The following IL12RB1 variants were observed in gnomAD, a reference collection of about 807,000 sequenced individuals.
IL12RB1 encodes interleukin 12 receptor subunit beta 1, also known as interleukin-12 receptor subunit beta-1.
IL12RB1 carries 64 observed loss-of-function variants against 94.4 expected under a neutral mutation model. The observed-to-expected ratio is 0.68, with a 90% CI of 0.55 to 0.83. The LOEUF is 0.83. Among genes scored for constraint, IL12RB1 ranks in the 40% least tolerant of loss-of-function variants. IL12RB1 has a pLI of 0.00. For missense variants in IL12RB1, 814 were observed against 855.6 expected (o/e 0.95, Z 0.61); for synonymous variants, 362 against 355.5 (o/e 1.02, Z -0.21).
chr19:18,080,780 C>G (rs1205599149), intron 4 of IL12RB1, 52 bp downstream of exon 4: 1 of 1,226,768 alleles, frequency 8.2e-7, no homozygotes, highest in Non-Finnish European at 1.2e-6. Context: ...AGCCTTGCAG[C>G]CTGATGGCCT....
At chr19:18,066,886 G>T (rs981411020) in intron 11 of IL12RB1, among the ~76,000 whole-genome samples, 189 bp from the exon 12 acceptor site, 2 of 152,100 alleles carry the variant, frequency 1.3e-5, no homozygotes, top group African/African-American at 2.4e-5. Flanking sequence ...AATTAGCCAG[G>T]CATGGTGGCG....
Position 18,064,015 on chromosome 19 carries a change from A to T in IL12RB1, c.1484-5T>A. On this transcript the variant is annotated splice_region_variant and splice_polypyrimidine_tract_variant and intron_variant, in intron 12 of 16. Transcript: ENST00000593993. ...CTGTGGGCTGCACGGGATGCTCTGC[A>T]GTGGGAGAGGCAACCCTGAGTCCTG... 1 of 1,610,278 alleles carries T rather than the reference A, an allele frequency of 6.2e-7. No homozygotes were observed. The highest frequency in any genetic ancestry group is 8.5e-7 in the Non-Finnish European group (1 of 1,177,168).
intron 7 of IL12RB1, 84 bp downstream of exon 7, chr19:18,075,665 G>A: frequency 8.1e-7 from 1 of 1,238,774 alleles, no homozygotes; most frequent in Non-Finnish European, 1.2e-6. Context: ...CTGAGCAGCT[G>A]GAACTACAGG....
chr19:18,083,098 A>C, intron 2 of IL12RB1: 1 of 456,098 alleles, frequency 2.2e-6, no homozygotes, highest in Non-Finnish European at 4.0e-6. Flanking sequence ...TAAATAAATG[A>C]AATAAATGTT....
intron 7 of IL12RB1, among the ~76,000 whole-genome samples, 186 bp downstream of exon 7, chr19:18,075,563 A>ATT (rs980303899): frequency 5.3e-5 from 8 of 151,742 alleles, no homozygotes; most frequent in Non-Finnish European, 1.2e-4. Flanking sequence ...GCCCAGCCCC[A>ATT]TTTTATTTTA....
chr19:18,064,657 A>C (rs895362760), intron 12 of IL12RB1, among the ~76,000 whole-genome samples: 8 of 151,714 alleles, frequency 5.3e-5, no homozygotes, highest in African/African-American at 1.9e-4. Flanking sequence ...TATTTTTAAT[A>C]CACATGAGGT....
rs1376079111 is a variant in IL12RB1 at position 18,062,167 on chromosome 19, G to C, written c.1715+14C>G. ...ATTACCATCGCTATGGTAACGGTAAGAGGTGTCAGTTACCTGTTCAGGCCA... is the reference window on the plus strand; with the variant it reads ...ATTACCATCGCTATGGTAACGGTAACAGGTGTCAGTTACCTGTTCAGGCCA... On this transcript the variant is annotated intron_variant, in intron 14 of 16. Coordinates refer to ENST00000593993, the MANE Select transcript of IL12RB1 (RefSeq NM_005535.3). The C allele has an allele frequency of 6.5e-7, 1 of 1,536,480 alleles. No individual in the cohort carries two copies. The highest frequency in any genetic ancestry group is 9.0e-7 in the Non-Finnish European group (1 of 1,109,498).
chr19:18,094,935 G>A (rs1359478058), intron 1 of IL12RB1, among the ~76,000 whole-genome samples: 5 of 152,096 alleles, frequency 3.3e-5, no homozygotes, highest in South Asian at 2.1e-4. Context: ...CCAGCCTTTC[G>A]GGAGGCCAAG....
chr19:18,087,714 GT>G (rs1426769170), upstream of IL12RB1, among the ~76,000 whole-genome samples: 1 of 151,028 alleles, frequency 6.6e-6, no homozygotes, highest in Non-Finnish European at 1.5e-5. Context: ...AAGAGAGGGG[GT>G]TTTGCCATGT....
Position 18,086,806 on chromosome 19 carries a change from G to C in IL12RB1, c.18C>G (p.Thr6=). The C allele has an allele frequency of 6.2e-7, 1 of 1,611,674 alleles. No individual in the cohort carries two copies. The highest frequency in any genetic ancestry group is 8.5e-7 in the Non-Finnish European group (1 of 1,179,326). MEPLV[T]WVVPLLFLFL... is the part of the protein sequence containing the mutation. ...AGAGGAAGAGGAGGGGGACCACCCA[G>C]GTCACCAGCGGCTCCATCGGATCCA... is the stretch of plus-strand genomic sequence containing the variant. The change falls in exon 1 of 17, where the codon ACC becomes ACG. Residue 6 remains threonine, a synonymous_variant. Coordinates refer to ENST00000593993, the MANE Select transcript of IL12RB1 (RefSeq NM_005535.3).
chr19:18,065,534 C>T (rs549063408), intron 12 of IL12RB1, among the ~76,000 whole-genome samples: 21 of 151,892 alleles, frequency 1.4e-4, no homozygotes, highest in Non-Finnish European at 2.8e-4. Flanking sequence ...CCAGCCTGAG[C>T]GAGGCCGGAC....
At chr19:18,087,056 T>C (rs2036397334), upstream of IL12RB1, 1 of 814,592 alleles carries the variant, frequency 1.2e-6, no homozygotes, top group Non-Finnish European at 1.9e-6. Flanking sequence ...CCACAGACTC[T>C]GGAGCAAGTC....
At chr19:18,063,840 C>T (rs1326409325) in intron 13 of IL12RB1, 36 bp downstream of exon 13, 3 of 1,597,940 alleles carry the variant, frequency 1.9e-6, no homozygotes, top group Non-Finnish European at 2.6e-6. Flanking sequence ...GCAGTGCATG[C>T]TGGGTAAATA....
At chr19:18,064,059 G>A (rs759112811) in intron 12 of IL12RB1, 49 bp from the exon 13 acceptor site, 1 of 1,477,202 alleles carries the variant, frequency 6.8e-7, no homozygotes, top group African/African-American at 1.4e-5. Context: ...TTACTCCTCA[G>A]AGGCCAGGCT....
At position 18,063,863 on chromosome 19, in the gene IL12RB1, C is replaced by A; in HGVS notation, c.1618+13G>T. On this transcript the variant is annotated intron_variant, in intron 13 of 16. Transcript: ENST00000593993. Reference sequence around the variant, plus strand: ...TGCTGGGTAAATAACTGGGTCCTACCCCCTCCACTCACCGATGCTGAAGCG... The same window carrying A: ...TGCTGGGTAAATAACTGGGTCCTACACCCTCCACTCACCGATGCTGAAGCG... 6.2e-7 allele frequency: 1 copy of A among 1,611,996 alleles called. No homozygotes were observed. Among genetic ancestry groups the A allele is most frequent in the Non-Finnish European group, 8.5e-7 (1 of 1,178,896 alleles).
chr19:18,068,627 C>A (rs960243454), intron 10 of IL12RB1, 101 bp from the exon 11 acceptor site: 26 of 959,676 alleles, frequency 2.7e-5, no homozygotes, highest in Non-Finnish European at 4.2e-5. Flanking sequence ...CAGAAAACTC[C>A]TACTCATGTT....
intron 12 of IL12RB1, among the ~76,000 whole-genome samples, chr19:18,065,243 C>G (rs1301615751): frequency 6.6e-6 from 1 of 152,094 alleles, no homozygotes; most frequent in African/African-American, 2.4e-5. Context: ...TGTGGGCTTT[C>G]CTGTCCCTCA....
At chr19:18,095,236 C>T (rs2036836783) in intron 1 of IL12RB1, among the ~76,000 whole-genome samples, 1 of 152,100 alleles carries the variant, frequency 6.6e-6, no homozygotes, top group Admixed American at 6.6e-5. Flanking sequence ...ATGTTTATAG[C>T]AGCTCTATTC....
intron 8 of IL12RB1, among the ~76,000 whole-genome samples, chr19:18,072,676 G>A (rs1374635479): frequency 1.3e-5 from 2 of 151,970 alleles, no homozygotes; most frequent in Admixed American, 6.6e-5. Context: ...GGCCGGGCAC[G>A]GGGGCTCACG....
Sources: allele counts gnomAD v4.1 joint callset (sites outside exome capture counted in the v4.1 genomes callset), GRCh38; gene constraint gnomAD v4.1.1; transcripts MANE v1.5; gene names NCBI Gene and HGNC (gene_info 2026-07-23, HGNC 2026-07-21).